MICU2: variants seen among roughly 807,000 people sequenced by gnomAD.
MICU2 encodes mitochondrial calcium uptake 2.
MICU2 carries 64 observed loss-of-function variants against 60.4 expected under a neutral mutation model. The ratio of observed to expected loss-of-function variants is 1.06; its 90% CI spans 0.87 to 1.31. The LOEUF is 1.31. MICU2 is among the 50% of genes most tolerant of loss of function. The pLI is 0.00. For synonymous variants in MICU2, 201 were observed against 175.0 expected (o/e 1.15, Z -1.17); for missense variants, 569 against 531.0 (o/e 1.07, Z -0.70).
intron 2 of MICU2, among the ~76,000 whole-genome samples, chr13:21,546,566 T>C (rs900340438): frequency 1.3e-5 from 2 of 152,176 alleles, no homozygotes; most frequent in Admixed American, 1.3e-4. Flanking sequence ...TGTGTTGCAA[T>C]GTTCTAGGAC....
At chr13:21,575,236 CAG>C (rs1349992744) in intron 1 of MICU2, among the ~76,000 whole-genome samples, 2 of 151,988 alleles carry the variant, frequency 1.3e-5, no homozygotes, top group African/African-American at 4.8e-5. Context: ...TGGCCACTGT[CAG>C]GGGATGCTGA....
At chr13:21,533,324 A>ATTT (rs35509976) in intron 4 of MICU2, among the ~76,000 whole-genome samples, 5 of 138,362 alleles carry the variant, frequency 3.6e-5, no homozygotes, top group Admixed American at 1.4e-4. Flanking sequence ...AGGCAGCGCA[A>ATTT]TTTTTTTTTT....
chr13:21,568,320 C>T (rs1287031849), intron 1 of MICU2, among the ~76,000 whole-genome samples: 1 of 152,102 alleles, frequency 6.6e-6, no homozygotes, highest in African/African-American at 2.4e-5. Context: ...GCTAGTTTTA[C>T]ACCTCTTTTG....
At chr13:21,494,976 T>G (rs903210129) in intron 11 of MICU2, among the ~76,000 whole-genome samples, 185 bp downstream of exon 11, 1 of 152,186 alleles carries the variant, frequency 6.6e-6, no homozygotes, top group African/African-American at 2.4e-5. Flanking sequence ...AGATTCACAT[T>G]ATTTTTTAAA....
intron 4 of MICU2, among the ~76,000 whole-genome samples, chr13:21,532,277 A>C (rs1055561114): frequency 9.9e-5 from 15 of 152,174 alleles, no homozygotes; most frequent in African/African-American, 3.6e-4. Context: ...TATAATCTCC[A>C]CTACCATTTG....
At chr13:21,533,750 TG>T (rs1887064309) in intron 4 of MICU2, among the ~76,000 whole-genome samples, 1 of 152,128 alleles carries the variant, frequency 6.6e-6, no homozygotes, top group Non-Finnish European at 1.5e-5. Flanking sequence ...ACATTAAATA[TG>T]GTAATACATC....
chr13:21,566,866 C>G lies in MICU2; in HGVS notation c.289G>C (p.Glu97Gln), dbSNP rs760896116. ...GTCATATAATATTCTCCTTCATGTT[C>G]GAGTGAAGAAAACTGCATGAAGCGC... The part of the protein sequence containing the change: ...KQRFMQFSSL[E>Q]HEGEYYMTPR... Residue 97 changes from glutamate to glutamine, a missense_variant, in exon 2 of 12, where the codon GAA (glutamate) becomes CAA (glutamine). By Grantham distance (29) the Glu-to-Gln change is conservative (BLOSUM62 2). Coordinates refer to ENST00000382374, the MANE Select transcript of MICU2 (RefSeq NM_152726.3). 1 of 1,612,478 alleles carries G rather than the reference C, an allele frequency of 6.2e-7. No homozygotes were observed. The highest frequency in any genetic ancestry group is 8.5e-7 in the Non-Finnish European group (1 of 1,179,322).
chr13:21,564,232 T>C (rs759183208), intron 2 of MICU2, among the ~76,000 whole-genome samples: 3 of 152,216 alleles, frequency 2.0e-5, no homozygotes, highest in Non-Finnish European at 4.4e-5. Context: ...TGACTTTTTT[T>C]GTTCTAAGTT....
intron 11 of MICU2, among the ~76,000 whole-genome samples, chr13:21,494,801 A>T (rs1885951293): frequency 6.6e-6 from 1 of 152,082 alleles, no homozygotes; most frequent in African/African-American, 2.4e-5. Flanking sequence ...ATGTGCTGGG[A>T]TTACAGATGT....
intron 9 of MICU2, among the ~76,000 whole-genome samples, chr13:21,499,181 C>A (rs1043708012): frequency 6.6e-6 from 1 of 152,042 alleles, no homozygotes; most frequent in African/African-American, 2.4e-5. Flanking sequence ...AAACTCCCGG[C>A]CTCAGGTGAT....
In MICU2 at chr13:21,496,164, A is replaced by G; in HGVS notation, c.934-4T>C. 6.3e-7 allele frequency: 1 copy of G among 1,595,782 alleles called. No individual in the cohort carries two copies. Among genetic ancestry groups the G allele is most frequent in the Non-Finnish European group, 8.6e-7 (1 of 1,167,974 alleles). ...TGAATTCATCCAAACTAATGCTCTA[A>G]TAAAGTAAGAGTTTTTATTACAATT... On this transcript the variant is annotated splice_region_variant and splice_polypyrimidine_tract_variant and intron_variant, in intron 9 of 11. Transcript: ENST00000382374.
chr13:21,497,779 A>G (rs1279297535), intron 9 of MICU2, among the ~76,000 whole-genome samples: 1 of 152,196 alleles, frequency 6.6e-6, no homozygotes, highest in East Asian at 1.9e-4. Flanking sequence ...TTTTTGAGAT[A>G]GTGTTTCACT....
At chr13:21,505,445 A>T (rs1886269617) in intron 8 of MICU2, among the ~76,000 whole-genome samples, 1 of 152,202 alleles carries the variant, frequency 6.6e-6, no homozygotes, top group Admixed American at 6.5e-5. Context: ...CAATTTTCAG[A>T]ATTTAAATTA....
At chr13:21,505,418 T>A (rs1051210769) in intron 8 of MICU2, among the ~76,000 whole-genome samples, 1 of 152,266 alleles carries the variant, frequency 6.6e-6, no homozygotes, top group East Asian at 1.9e-4. Flanking sequence ...CAATACGTAG[T>A]AGGTTGACAG....
chr13:21,540,328 G>A (rs1005086433), intron 2 of MICU2, among the ~76,000 whole-genome samples: 1 of 151,904 alleles, frequency 6.6e-6, no homozygotes, highest in Non-Finnish European at 1.5e-5. Context: ...TTACTCTGAT[G>A]ATAGCCTCAA....
At chr13:21,522,248 T>A (rs1209270616) in intron 5 of MICU2, among the ~76,000 whole-genome samples, 8 of 152,254 alleles carry the variant, frequency 5.3e-5, no homozygotes, top group Non-Finnish European at 1.5e-5. Context: ...TTCTCTAATC[T>A]GTATCAGTGT....
At chr13:21,540,324 T>C (rs1188302783) in intron 2 of MICU2, among the ~76,000 whole-genome samples, 4 of 152,144 alleles carry the variant, frequency 2.6e-5, no homozygotes, top group Non-Finnish European at 4.4e-5. Context: ...GGACTTACTC[T>C]GATGATAGCC....
chr13:21,546,196 GA>G (rs1887413737), intron 2 of MICU2, among the ~76,000 whole-genome samples: 1 of 151,936 alleles, frequency 6.6e-6, no homozygotes, highest in South Asian at 2.1e-4. Flanking sequence ...TTTCTAAAGG[GA>G]AACAAATGGT....
At chr13:21,508,407 A>G (rs1209437955) in intron 8 of MICU2, among the ~76,000 whole-genome samples, 2 of 152,196 alleles carry the variant, frequency 1.3e-5, no homozygotes, top group East Asian at 3.9e-4. Context: ...TACAGGCGTG[A>G]GCCACCACAC....
Sources: gnomAD v4.1 joint callset for allele counts (sites outside exome capture counted in the v4.1 genomes callset) on GRCh38, gnomAD v4.1.1 for gene constraint, MANE v1.5 for transcripts, NCBI Gene and HGNC (gene_info 2026-07-23, HGNC 2026-07-21) for gene names.